Variants in CACNA1I observed in about 807,000 individuals in gnomAD.
The protein encoded by CACNA1I is voltage-dependent T-type calcium channel subunit alpha-1I.
Under a neutral mutation model 201.6 loss-of-function variants are expected in CACNA1I, and 74 were observed. That is an observed-to-expected ratio of 0.37 (90% CI 0.30 to 0.45). The LOEUF is 0.45. CACNA1I is among the 20% of genes least tolerant of loss of function. CACNA1I has a pLI of 1.00. For missense variants in CACNA1I, 2,346 were observed against 3,138.1 expected (o/e 0.75, Z 6.03); for synonymous variants, 1,431 against 1,345.2 (o/e 1.06, Z -1.40).
chr22:39,680,451 C>T (rs1033047975), intron 33 of CACNA1I, among the ~76,000 whole-genome samples: 1 of 152,194 alleles, frequency 6.6e-6, no homozygotes, highest in Admixed American at 6.5e-5. Flanking sequence ...CCCCAGGAAC[C>T]ATCAGCAGGA....
rs1050532667 is a variant in CACNA1I at position 39,677,301 on chromosome 22, C to T, written c.4855-40C>T. The T allele has an allele frequency of 5.9e-5, 86 of 1,448,244 alleles. No homozygotes were observed. Among genetic ancestry groups the T allele is most frequent in the East Asian group, 7.2e-5 (3 of 41,546 alleles). The allele number at this position is 1,448,244 out of a possible 1,614,324, so 89.7% of individuals were successfully genotyped here. ...TTCCCAGGCCTGGTGCGCCCCCACCCGCTCCCCAGCCCCACCCGGCCTCAC... is the reference window on the plus strand; with the variant it reads ...TTCCCAGGCCTGGTGCGCCCCCACCTGCTCCCCAGCCCCACCCGGCCTCAC... On this transcript the variant is annotated intron_variant, in intron 29 of 36. Transcript: ENST00000402142. The surrounding 1 kb of genome is among the most constrained non-coding windows in gnomAD (Gnocchi z 4.8).
intron 26 of CACNA1I, 148 bp from the exon 27 acceptor site, chr22:39,672,051 A>G (rs1440522725): frequency 3.2e-6 from 2 of 616,494 alleles, no homozygotes; most frequent in Non-Finnish European, 5.9e-6. Flanking sequence ...ACACACTAAG[A>G]TGGAAAGAAT....
chr22:39,672,347 A>T, intron 27 of CACNA1I, 39 bp downstream of exon 27: 5 of 1,342,336 alleles, frequency 3.7e-6, no homozygotes, highest in Non-Finnish European at 5.4e-6. Context: ...AATAGGGTAG[A>T]CTGCAGGATG....
At chr22:39,588,486 C>T (rs1010141234) in intron 1 of CACNA1I, among the ~76,000 whole-genome samples, 12 of 150,780 alleles carry the variant, frequency 8.0e-5, no homozygotes, top group East Asian at 2.0e-4. Context: ...TCTGAGTTCA[C>T]GCCATTCTCC....
Position 39,659,163 on chromosome 22 carries a change from G to A in CACNA1I, c.2330+47G>A. 1 of 1,601,336 alleles carries A rather than the reference G, an allele frequency of 6.2e-7. No individual in the cohort carries two copies. Among genetic ancestry groups the A allele is most frequent in the Non-Finnish European group, 8.5e-7 (1 of 1,174,868 alleles). ...CCATACCTCAGCACCTGCTGGGGCT[G>A]TGGGCGGGAGCCTGGGGGATGTGGT... On this transcript the variant is annotated intron_variant, in intron 12 of 36. Transcript: ENST00000402142. This position sits in a 1 kb window ranked among gnomAD's most constrained non-coding sequence, Gnocchi z 4.3.
In CACNA1I at chr22:39,662,321, C is replaced by A; in HGVS notation, c.3258C>A (p.Gly1086=). ...AHPRAAWRAA[G]PAPGHEDCNG... is the part of the protein sequence containing the mutation. ...CCCGGGCCGCCTGGAGGGCGGCAGGCCCGGCCCCCGGGCATGAGGACTGCA... is the reference window on the plus strand; with the variant it reads ...CCCGGGCCGCCTGGAGGGCGGCAGGACCGGCCCCCGGGCATGAGGACTGCA... Residue 1086 remains glycine (G), a synonymous_variant, in exon 17 of 37, where the codon GGC becomes GGA. Coordinates refer to ENST00000402142, the MANE Select transcript of CACNA1I (RefSeq NM_021096.4). 6.8e-7 allele frequency: 1 copy of A among 1,478,090 alleles called. No individual in the cohort carries two copies. The highest frequency in any genetic ancestry group is 8.9e-7 in the Non-Finnish European group (1 of 1,123,060). The allele number at this position is 1,478,090 out of a possible 1,614,324, so 91.6% of individuals were successfully genotyped here.
chr22:39,627,218 C>T (rs974755418), intron 4 of CACNA1I, among the ~76,000 whole-genome samples: 6 of 152,344 alleles, frequency 3.9e-5, no homozygotes, highest in East Asian at 1.9e-4. Flanking sequence ...AGTGACACCT[C>T]GAGGCCCTCT....
At chr22:39,663,948 A>G in intron 19 of CACNA1I, 107 bp downstream of exon 19, 1 of 1,549,128 alleles carries the variant, frequency 6.5e-7, no homozygotes, top group East Asian at 2.3e-5. Context: ...CAGGACAGGA[A>G]GTTTGCCTTT....
intron 5 of CACNA1I, among the ~76,000 whole-genome samples, chr22:39,635,746 A>T (rs1289358704): frequency 1.3e-5 from 2 of 152,100 alleles, no homozygotes; most frequent in Non-Finnish European, 2.9e-5. Flanking sequence ...GCTGCTTCGA[A>T]GTCAGGGTAG....
At chr22:39,607,289 C>T (rs1933248712) in intron 3 of CACNA1I, among the ~76,000 whole-genome samples, 1 of 152,232 alleles carries the variant, frequency 6.6e-6, no homozygotes. Context: ...CTGCCCCACT[C>T]CCCAAACACA....
intron 4 of CACNA1I, among the ~76,000 whole-genome samples, chr22:39,626,380 G>C (rs1276302437): frequency 6.6e-6 from 1 of 152,228 alleles, no homozygotes; most frequent in African/African-American, 2.4e-5. Context: ...GGTGGACGTA[G>C]AGTGTCAGGG....
chr22:39,653,387 C>G (rs1569081871), intron 10 of CACNA1I, among the ~76,000 whole-genome samples: 1 of 152,198 alleles, frequency 6.6e-6, no homozygotes, highest in Non-Finnish European at 1.5e-5. Context: ...ACTATGGGCC[C>G]GCTGGTATTT....
At chr22:39,606,660 G>A (rs766019265) in intron 3 of CACNA1I, among the ~76,000 whole-genome samples, 1 of 152,178 alleles carries the variant, frequency 6.6e-6, no homozygotes, top group Non-Finnish European at 1.5e-5. Context: ...AGCCTCCCGA[G>A]TAGCTGGGAT....
rs1367164247 is a variant in CACNA1I at position 39,646,436 on chromosome 22, C to T, written c.1150-133C>T. The T allele has an allele frequency of 5.9e-6, 8 of 1,362,398 alleles. No individual in the cohort carries two copies. In the South Asian group the frequency reaches 9.2e-5, roughly 16 times the overall value. The allele number at this position is 1,362,398 out of a possible 1,614,324, so 84.4% of individuals were successfully genotyped here. ...GCCTCTGTACCGCCATCTCCATCTCCATCTCCCCATCTCCCTCTGCCTCCC... is the reference window on the plus strand; with the variant it reads ...GCCTCTGTACCGCCATCTCCATCTCTATCTCCCCATCTCCCTCTGCCTCCC... On this transcript the variant is annotated intron_variant, in intron 7 of 36. Transcript: ENST00000402142.
intron 1 of CACNA1I, among the ~76,000 whole-genome samples, chr22:39,592,435 G>A (rs1257445002): frequency 6.6e-6 from 1 of 152,194 alleles, no homozygotes; most frequent in African/African-American, 2.4e-5. Flanking sequence ...AGCTGGGACA[G>A]ATTTCTGCCC....
chr22:39,653,664 G>A (rs1934725485), intron 10 of CACNA1I, among the ~76,000 whole-genome samples: 1 of 152,212 alleles, frequency 6.6e-6, no homozygotes, highest in African/African-American at 2.4e-5. Context: ...AGGAGGCGAG[G>A]GTGTGACATC....
chr22:39,632,592 A>G (rs550596184), intron 4 of CACNA1I, among the ~76,000 whole-genome samples: 33 of 136,846 alleles, frequency 2.4e-4, no homozygotes, highest in Non-Finnish European at 3.3e-4. Flanking sequence ...GTGTGGGGGG[A>G]GGGTTGGGGG....
chr22:39,576,641 C>T (rs1487253238), intron 1 of CACNA1I, among the ~76,000 whole-genome samples: 4 of 152,234 alleles, frequency 2.6e-5, no homozygotes, highest in African/African-American at 9.6e-5. Context: ...GGCCGCCTCT[C>T]TGCTCGGGAA....
chr22:39,674,173 C>G, intron 29 of CACNA1I, 140 bp downstream of exon 29: 1 of 785,184 alleles, frequency 1.3e-6, no homozygotes, highest in Non-Finnish European at 2.1e-6. Flanking sequence ...GCATTTTGAG[C>G]CAGGGGCTGA....
Sources: allele counts gnomAD v4.1 joint callset (sites outside exome capture counted in the v4.1 genomes callset), GRCh38; gene constraint gnomAD v4.1.1; non-coding constraint Gnocchi (gnomAD v3.1); transcripts MANE v1.5; gene names NCBI Gene and HGNC (gene_info 2026-07-23, HGNC 2026-07-21).